BMP5: variants seen among roughly 807,000 people sequenced by gnomAD.
BMP5 encodes the protein bone morphogenetic protein 5.
A neutral mutation model predicts 46.6 loss-of-function variants in BMP5; 23 were observed. The observed-to-expected ratio is 0.49, with a 90% CI of 0.35 to 0.70. BMP5 has a LOEUF of 0.70. Among genes scored for constraint, BMP5 ranks in the 30% least tolerant of loss-of-function variants. BMP5 has a pLI of 0.00. For synonymous variants in BMP5, 204 were observed against 191.9 expected (o/e 1.06, Z -0.52); for missense variants, 545 against 565.6 (o/e 0.96, Z 0.37).
chr6:55,843,075 C>T (rs1777002868), intron 1 of BMP5, among the ~76,000 whole-genome samples: 1 of 151,566 alleles, frequency 6.6e-6, no homozygotes, highest in African/African-American at 2.4e-5. Context: ...AACTTTACAG[C>T]AAAAAAAGTA....
chr6:55,784,605 A>G (rs1347179978), intron 3 of BMP5, among the ~76,000 whole-genome samples: 2 of 151,754 alleles, frequency 1.3e-5, no homozygotes, highest in Non-Finnish European at 3.0e-5. Context: ...CTATTTATTA[A>G]TTTATCAAAT....
chr6:55,778,519 A>T (rs1269671041), intron 3 of BMP5, among the ~76,000 whole-genome samples: 1 of 152,070 alleles, frequency 6.6e-6, no homozygotes, highest in African/African-American at 2.4e-5. Flanking sequence ...ATTGACATAG[A>T]TATTGTCTTT....
intron 2 of BMP5, among the ~76,000 whole-genome samples, chr6:55,807,915 G>C (rs1474440766): frequency 6.6e-6 from 1 of 152,128 alleles, no homozygotes; most frequent in African/African-American, 2.4e-5. Flanking sequence ...TCCTGTATAG[G>C]GTGTCTGATG....
chr6:55,869,667 CA>C (rs1370024435), intron 1 of BMP5, among the ~76,000 whole-genome samples: 2 of 151,912 alleles, frequency 1.3e-5, no homozygotes, highest in Non-Finnish European at 2.9e-5. Flanking sequence ...AAAATAAAGG[CA>C]AAACACAATT....
chr6:55,850,354 GTAGA>G (rs57677270), intron 1 of BMP5, among the ~76,000 whole-genome samples: 9,885 of 83,114 alleles, frequency 0.12, 363 homozygotes, highest in South Asian at 0.16. Flanking sequence ...AGGTAAGTAG[GTAGA>G]TAGATAGATA....
chr6:55,830,218 T>G (rs944800826), intron 1 of BMP5, among the ~76,000 whole-genome samples: 1 of 152,108 alleles, frequency 6.6e-6, no homozygotes, highest in Non-Finnish European at 1.5e-5. Context: ...TCAGAACATA[T>G]GTGTATTTAA....
At chr6:55,820,371 C>T (rs1007940808) in intron 1 of BMP5, among the ~76,000 whole-genome samples, 3 of 152,104 alleles carry the variant, frequency 2.0e-5, no homozygotes, top group Non-Finnish European at 2.9e-5. Flanking sequence ...AATGTCTTCC[C>T]CAGAAAATTT....
In BMP5 at chr6:55,830,381, T is replaced by C. The variant is rs530515120; in HGVS notation, c.491-10534A>G. 5.4e-4 allele frequency among the ~76,000 whole-genome samples: 82 copies of C among 152,174 alleles called. No individual in the cohort carries two copies. The South Asian group carries it at 0.016, about 29-fold the overall frequency. On this transcript the variant is annotated intron_variant, in intron 1 of 6. Transcript: ENST00000370830. ...GAACAGTCTCATATTTGGGTTGACA[T>C]GGTTTCACACTCTTGGACTTTTCCT... is the stretch of plus-strand genomic sequence containing the variant.
At chr6:55,775,924 A>C (rs539097733) in intron 3 of BMP5, among the ~76,000 whole-genome samples, 1 of 151,920 alleles carries the variant, frequency 6.6e-6, no homozygotes, top group East Asian at 1.9e-4. Flanking sequence ...TGGTTGAAAA[A>C]AAAAAAAAGG....
At chr6:55,852,011 C>T (rs1582119844) in intron 1 of BMP5, among the ~76,000 whole-genome samples, 1 of 152,188 alleles carries the variant, frequency 6.6e-6, no homozygotes, top group East Asian at 1.9e-4. Context: ...TTCATGCCTC[C>T]TATTCTATCC....
At chr6:55,796,926 C>T (rs2127530035) in intron 2 of BMP5, among the ~76,000 whole-genome samples, 1 of 152,204 alleles carries the variant, frequency 6.6e-6, no homozygotes. Context: ...TTCTAGTTCA[C>T]CTCTGAAAAG....
At chr6:55,812,814 C>A (rs1405842212) in intron 2 of BMP5, among the ~76,000 whole-genome samples, 1 of 152,128 alleles carries the variant, frequency 6.6e-6, no homozygotes, top group Non-Finnish European at 1.5e-5. Flanking sequence ...ATAGTTAAAA[C>A]AATTAATAGG....
chr6:55,777,175 C>CA (rs1298272594), intron 3 of BMP5, among the ~76,000 whole-genome samples: 1 of 151,782 alleles, frequency 6.6e-6, no homozygotes, highest in Non-Finnish European at 1.5e-5. Flanking sequence ...AGAAACAATA[C>CA]ACTTATATTG....
At chr6:55,807,542 T>C (rs957005393) in intron 2 of BMP5, among the ~76,000 whole-genome samples, 2 of 152,236 alleles carry the variant, frequency 1.3e-5, no homozygotes, top group African/African-American at 4.8e-5. Context: ...GTTGTGTCTC[T>C]GGAAGGTTTT....
chr6:55,826,662 G>C (rs1412573947), intron 1 of BMP5, among the ~76,000 whole-genome samples: 1 of 151,066 alleles, frequency 6.6e-6, no homozygotes, highest in Non-Finnish European at 1.5e-5. Flanking sequence ...CCAAGCATTG[G>C]TATGAAAATT....
At chr6:55,820,215 A>G (rs1776374988) in intron 1 of BMP5, among the ~76,000 whole-genome samples, 1 of 152,190 alleles carries the variant, frequency 6.6e-6, no homozygotes, top group African/African-American at 2.4e-5. Context: ...CCAGAGTTCC[A>G]GGTGAAATGA....
chr6:55,802,815 C>G (rs539196790), intron 2 of BMP5, among the ~76,000 whole-genome samples: 6 of 150,194 alleles, frequency 4.0e-5, no homozygotes, highest in African/African-American at 1.5e-4. Context: ...TTTTTTTCCC[C>G]TTTTCTTCCC....
chr6:55,843,991 T>C (rs946837819), intron 1 of BMP5, among the ~76,000 whole-genome samples: 2 of 152,058 alleles, frequency 1.3e-5, no homozygotes, highest in Admixed American at 1.3e-4. Context: ...CACATCTCTA[T>C]GAACATATAC....
intron 1 of BMP5, among the ~76,000 whole-genome samples, chr6:55,832,629 A>G (rs1776692515): frequency 6.6e-6 from 1 of 152,164 alleles, no homozygotes; most frequent in African/African-American, 2.4e-5. Context: ...AACTTATCCA[A>G]GTTCATAAGT....
Sources: gnomAD v4.1 joint callset for allele counts (sites outside exome capture counted in the v4.1 genomes callset) on GRCh38, gnomAD v4.1.1 for gene constraint, MANE v1.5 for transcripts, NCBI Gene and HGNC (gene_info 2026-07-23, HGNC 2026-07-21) for gene names.